The following ZHX2 variants were observed in gnomAD, a reference collection of about 807,000 sequenced individuals.
ZHX2 encodes the protein zinc fingers and homeoboxes 2.
ZHX2 carries 6 observed loss-of-function variants against 21.9 expected under a neutral mutation model. That is an observed-to-expected ratio of 0.27 (90% CI 0.15 to 0.54). ZHX2 has a LOEUF of 0.54. Among genes scored for constraint, ZHX2 ranks in the 20% least tolerant of loss-of-function variants. The probability of loss-of-function intolerance (pLI) is 0.95; values close to 1 mark genes in which losing one functional copy is unlikely to be tolerated. For missense variants in ZHX2, 908 were observed against 1,090.7 expected (o/e 0.83, Z 2.36); for synonymous variants, 434 against 437.1 (o/e 0.99, Z 0.09).
At chr8:122,911,425 T>G (rs1820478272) in intron 2 of ZHX2, among the ~76,000 whole-genome samples, 1 of 152,028 alleles carries the variant, frequency 6.6e-6, no homozygotes. Flanking sequence ...CTGCTTCCCC[T>G]TCTCTCCTCC....
intron 1 of ZHX2, among the ~76,000 whole-genome samples, chr8:122,843,948 G>A (rs1316497885): frequency 7.6e-6 from 1 of 131,172 alleles, no homozygotes; most frequent in African/African-American, 3.1e-5. Flanking sequence ...TTCGCTTTTT[G>A]TTCTCACCCT....
intron 2 of ZHX2, among the ~76,000 whole-genome samples, chr8:122,893,662 A>C (rs900731680): frequency 6.6e-6 from 1 of 152,050 alleles, no homozygotes; most frequent in Non-Finnish European, 1.5e-5. Context: ...TAGCCCCAAG[A>C]TTTCTGTTTG....
intron 3 of ZHX2, among the ~76,000 whole-genome samples, chr8:122,971,998 T>C (rs1236653683): frequency 6.6e-6 from 1 of 152,232 alleles, no homozygotes. Context: ...TCTGTGCCCA[T>C]CTCCCAGCTT....
intron 1 of ZHX2, chr8:122,815,595 A>G (rs1818013936): frequency 6.3e-6 from 1 of 158,662 alleles, no homozygotes. Flanking sequence ...TGCTGTGAAC[A>G]TTATTGAAAT....
At chr8:122,846,731 G>T (rs1311837395) in intron 1 of ZHX2, among the ~76,000 whole-genome samples, 1 of 151,910 alleles carries the variant, frequency 6.6e-6, no homozygotes, top group African/African-American at 2.4e-5. Flanking sequence ...GCCATTGAAA[G>T]TAATGGCAAA....
chr8:122,880,822 C>G (rs573569474), intron 2 of ZHX2, among the ~76,000 whole-genome samples: 4 of 151,022 alleles, frequency 2.6e-5, no homozygotes, highest in East Asian at 3.9e-4. Context: ...TGAGTGAGAA[C>G]ATGCCACAGT....
intron 1 of ZHX2, among the ~76,000 whole-genome samples, chr8:122,800,987 G>C (rs1211142635): frequency 2.0e-5 from 3 of 152,244 alleles, no homozygotes; most frequent in African/African-American, 7.2e-5. Flanking sequence ...CCTTTTGCTT[G>C]ACAGTGTATA....
intron 1 of ZHX2, chr8:122,815,383 A>G (rs1203231028): frequency 6.6e-6 from 1 of 152,246 alleles, no homozygotes; most frequent in Non-Finnish European, 1.5e-5. Context: ...AAATACAGGC[A>G]TACCTCATTT....
At position 122,960,765 on chromosome 8, in the gene ZHX2, G is replaced by T. The variant is rs1046980893; in HGVS notation, c.*4+6737G>T. Among the ~76,000 whole-genome samples the T allele has an allele frequency of 3.3e-5, 5 of 152,250 alleles. No individual in the cohort carries two copies. In the South Asian group the frequency reaches 8.3e-4, roughly 25 times the overall value. Reference sequence around the variant, plus strand: ...AGGTTAAAAGCCAGAGCGTTAGGTGGACTCACATATAATCAAAATTTCCCT... The same window carrying T: ...AGGTTAAAAGCCAGAGCGTTAGGTGTACTCACATATAATCAAAATTTCCCT... On this transcript the variant is annotated intron_variant, in intron 3 of 3. Transcript: ENST00000314393.
intron 2 of ZHX2, among the ~76,000 whole-genome samples, chr8:122,880,026 A>T (rs974484876): frequency 3.5e-5 from 5 of 143,570 alleles, no homozygotes; most frequent in South Asian, 2.2e-4. Flanking sequence ...AGGCTAGAGT[A>T]CAGTGGTGCA....
chr8:122,916,939 A>G (rs899528554), intron 2 of ZHX2, among the ~76,000 whole-genome samples: 5 of 151,698 alleles, frequency 3.3e-5, no homozygotes, highest in Non-Finnish European at 7.4e-5. Context: ...TCTTTTGCTC[A>G]TGCATTTCTC....
chr8:122,902,821 A>G (rs953785649), intron 2 of ZHX2, among the ~76,000 whole-genome samples: 1 of 152,238 alleles, frequency 6.6e-6, no homozygotes, highest in Non-Finnish European at 1.5e-5. Context: ...AACCAAACTC[A>G]TACCAGAGGC....
intron 1 of ZHX2, among the ~76,000 whole-genome samples, chr8:122,852,331 G>C (rs1489493308): frequency 6.6e-6 from 1 of 152,022 alleles, no homozygotes; most frequent in African/African-American, 2.4e-5. Context: ...TTAAATAATA[G>C]TGACTCTTAT....
chr8:122,785,142 TC>T (rs746243014), intron 1 of ZHX2, among the ~76,000 whole-genome samples: 5 of 152,230 alleles, frequency 3.3e-5, no homozygotes, highest in Non-Finnish European at 7.3e-5. Flanking sequence ...TCTGAGGGGA[TC>T]ACAGAGGATC....
At chr8:122,943,059 C>T (rs1304607156) in intron 2 of ZHX2, among the ~76,000 whole-genome samples, 1 of 151,980 alleles carries the variant, frequency 6.6e-6, no homozygotes, top group African/African-American at 2.4e-5. Flanking sequence ...GTCAGGAGTT[C>T]GAGACCAGCC....
intron 1 of ZHX2, among the ~76,000 whole-genome samples, chr8:122,803,165 G>A (rs75343761): frequency 0.038 from 5,832 of 152,138 alleles, 120 homozygotes; most frequent in East Asian, 0.057. Flanking sequence ...CAAAGCAAAC[G>A]CAGCCAGATT....
chr8:122,911,467 G>C (rs1820479532), intron 2 of ZHX2, among the ~76,000 whole-genome samples: 1 of 152,170 alleles, frequency 6.6e-6, no homozygotes. Context: ...CGGGGCAGGA[G>C]GGGAGACTGC....
chr8:122,816,696 C>CT (rs949565231), intron 1 of ZHX2, among the ~76,000 whole-genome samples: 2 of 151,950 alleles, frequency 1.3e-5, no homozygotes, highest in African/African-American at 4.8e-5. Flanking sequence ...CATATGCAGC[C>CT]TTTACAAATA....
At chr8:122,866,728 T>C (rs1370584248) in intron 2 of ZHX2, among the ~76,000 whole-genome samples, 1 of 152,166 alleles carries the variant, frequency 6.6e-6, no homozygotes, top group East Asian at 1.9e-4. Context: ...CAGGAAAGAG[T>C]ATGCTGCAGT....
Sources: allele counts gnomAD v4.1 joint callset (sites outside exome capture counted in the v4.1 genomes callset), GRCh38; gene constraint gnomAD v4.1.1; transcripts MANE v1.5; gene names NCBI Gene and HGNC (gene_info 2026-07-23, HGNC 2026-07-21).